Variants in XXYLT1 observed in about 807,000 individuals in gnomAD.
The protein encoded by XXYLT1 is xyloside xylosyltransferase 1.
XXYLT1 carries 20 observed loss-of-function variants against 28.9 expected under a neutral mutation model. The observed-to-expected ratio is 0.69, with a 90% confidence interval of 0.49 to 1.00. The LOEUF is 1.00. Ranked by LOEUF, XXYLT1 falls within the 50% of genes least tolerant of loss-of-function variation. XXYLT1 has a pLI of 0.00. For synonymous variants in XXYLT1, 257 were observed against 253.8 expected, an observed-to-expected ratio of 1.01 and a Z score of -0.12; for missense variants, 542 against 560.1, an observed-to-expected ratio of 0.97 and a Z score of 0.33.
intron 1 of XXYLT1, among the ~76,000 whole-genome samples, chr3:195,266,706 A>G (rs1294158769): frequency 6.6e-6 from 1 of 152,130 alleles, no homozygotes; most frequent in Non-Finnish European, 1.5e-5. Context: ...GACCAGCAGG[A>G]GAGCACTCCT....
In XXYLT1 at chr3:195,069,954, C is replaced by T. The variant is rs1056340383; in HGVS notation, c.943G>A (p.Val315Met). 2.5e-6 allele frequency: 4 copies of T among 1,612,262 alleles called. No individual in the cohort carries two copies. Among genetic ancestry groups the T allele is most frequent in the Non-Finnish European group, 3.4e-6 (4 of 1,179,704 alleles). The change falls in exon 4 of 4, where the codon GTG becomes ATG. Residue 315 changes from valine to methionine, a missense_variant. By Grantham distance (21) the Val-to-Met change is conservative. Coordinates refer to ENST00000310380, the MANE Select transcript of XXYLT1 (RefSeq NM_152531.5). The part of the protein sequence containing the change: ...LYSRLLEPAQ[V>M]QQLADKYHFR... ...TGGTACTTGTCGGCCAGCTGCTGCA[C>T]CTGCGCCGGCTCCAGCAGGCGGCTG...
At chr3:195,247,292 G>A (rs1306698957) in intron 1 of XXYLT1, among the ~76,000 whole-genome samples, 3 of 152,298 alleles carry the variant, frequency 2.0e-5, no homozygotes, top group South Asian at 2.1e-4. Context: ...TCACCAAGCC[G>A]AGCGGTGGGA....
At chr3:195,143,721 G>A (rs1719607014) in intron 3 of XXYLT1, among the ~76,000 whole-genome samples, 1 of 147,276 alleles carries the variant, frequency 6.8e-6, no homozygotes, top group Admixed American at 6.8e-5. Flanking sequence ...TGTACCTGTT[G>A]CAGTATGTTA....
intron 1 of XXYLT1, among the ~76,000 whole-genome samples, chr3:195,234,955 G>A (rs1724471113): frequency 6.6e-6 from 1 of 150,780 alleles, no homozygotes; most frequent in Non-Finnish European, 1.5e-5. Flanking sequence ...TTCTACTGCT[G>A]TCTCTCTCTC....
Position 195,218,910 on chromosome 3 carries a change from C to G in XXYLT1, c.652+7799G>C, listed in dbSNP as rs569673116. Among the ~76,000 whole-genome samples, 23 of 151,998 alleles carry G rather than the reference C, an allele frequency of 1.5e-4. No individual in the cohort carries two copies. In the East Asian group the frequency reaches 4.3e-3, roughly 28 times the overall value. Reference sequence around the variant, plus strand: ...ATTCACAATAGCAAAGACTTGGAACCAACCCAAATGTCCAACAATGATAGA... The same window carrying G: ...ATTCACAATAGCAAAGACTTGGAACGAACCCAAATGTCCAACAATGATAGA... On this transcript the variant is annotated intron_variant, in intron 2 of 3. Transcript: ENST00000310380.
intron 2 of XXYLT1, among the ~76,000 whole-genome samples, chr3:195,206,116 CCGGGTTCACA>C (rs1034807723): frequency 6.6e-6 from 1 of 150,822 alleles, no homozygotes; most frequent in African/African-American, 2.4e-5. Context: ...GCTCTGCCTC[CCGGGTTCACA>C]CCATTCTCCG....
At chr3:195,143,784 T>TTATATA (rs3073320) in intron 3 of XXYLT1, among the ~76,000 whole-genome samples, 3,012 of 113,814 alleles carry the variant, frequency 0.026, 203 homozygotes, top group Non-Finnish European at 0.036. Context: ...TGTTCTCTCA[T>TTATATA]TATATATATA....
chr3:195,077,086 G>C lies in XXYLT1; in HGVS notation c.786-6975C>G, dbSNP rs778559641. Reference sequence around the variant, plus strand: ...CCAGGGACTCAGAGGACACCTGTGGGGCCCAGAACTGCCCTCAGCAAAACC... The same window carrying C: ...CCAGGGACTCAGAGGACACCTGTGGCGCCCAGAACTGCCCTCAGCAAAACC... On this transcript the variant is annotated intron_variant, in intron 3 of 3. Coordinates refer to ENST00000310380, the MANE Select transcript of XXYLT1 (RefSeq NM_152531.5). This position sits in a 1 kb window ranked among gnomAD's most constrained non-coding sequence, Gnocchi z 4.8. Among the ~76,000 whole-genome samples, 37 of 152,204 alleles carry C rather than the reference G, an allele frequency of 2.4e-4. No individual in the cohort carries two copies. Among genetic ancestry groups the C allele is most frequent in the Non-Finnish European group, 4.9e-4 (33 of 68,000 alleles).
At chr3:195,222,109 G>GGCT (rs923180524) in intron 2 of XXYLT1, among the ~76,000 whole-genome samples, 1 of 152,194 alleles carries the variant, frequency 6.6e-6, no homozygotes, top group African/African-American at 2.4e-5. Context: ...CCCTCTGTGG[G>GGCT]GCTGCGACAT....
At position 195,078,129 on chromosome 3, in the gene XXYLT1, G is replaced by A. The variant is rs1300643512; in HGVS notation, c.786-8018C>T. Among the ~76,000 whole-genome samples the A allele has an allele frequency of 6.6e-6, 1 of 152,128 alleles. No individual in the cohort carries two copies. Among genetic ancestry groups the A allele is most frequent in the African/African-American group, 2.4e-5 (1 of 41,420 alleles). On this transcript the variant is annotated intron_variant, in intron 3 of 3. Transcript: ENST00000310380. The surrounding 1 kb of genome is among the most constrained non-coding windows in gnomAD (Gnocchi z 5.0). Reference sequence around the variant, plus strand: ...GCGGAGCTGGGAGGAGTGGGTGTGGGGCGGAGGAAAAGGGAATTCCATGTT... The same window carrying A: ...GCGGAGCTGGGAGGAGTGGGTGTGGAGCGGAGGAAAAGGGAATTCCATGTT...
At chr3:195,228,334 A>G (rs1302637668) in intron 1 of XXYLT1, among the ~76,000 whole-genome samples, 2 of 151,834 alleles carry the variant, frequency 1.3e-5, no homozygotes. Context: ...GCTCCACTCC[A>G]TCACTCACCT....
Position 195,069,814 on chromosome 3 carries a change from C to A in XXYLT1, c.1083G>T (p.Arg361Ser). 1 of 1,614,158 alleles carries A rather than the reference C, an allele frequency of 6.2e-7. No individual in the cohort carries two copies. Among genetic ancestry groups the A allele is most frequent in the Admixed American group, 1.7e-5 (1 of 60,024 alleles). ...CGAAGACGTCACTGTAGCCATGGTC[C>A]CTCCACCAGGTGCACAGCTGCCGGT... Reference protein sequence around the residue: ...TWNRQLCTWWRDHGYSDVFEA... With the variant: ...TWNRQLCTWWSDHGYSDVFEA... The change falls in exon 4 of 4, where the codon AGG (arginine) becomes AGT (serine). Residue 361 changes from arginine to serine, a missense_variant. Arg to Ser is a moderately radical substitution (Grantham distance 110). Coordinates refer to ENST00000310380, the MANE Select transcript of XXYLT1 (RefSeq NM_152531.5).
intron 3 of XXYLT1, among the ~76,000 whole-genome samples, chr3:195,100,871 G>A (rs1039552156): frequency 2.6e-5 from 4 of 152,176 alleles, no homozygotes; most frequent in South Asian, 2.1e-4. Context: ...TTTTTATATC[G>A]GATATCCCTG....
At chr3:195,239,570 T>C (rs1350946622) in intron 1 of XXYLT1, among the ~76,000 whole-genome samples, 4 of 152,258 alleles carry the variant, frequency 2.6e-5, no homozygotes, top group Admixed American at 2.0e-4. Flanking sequence ...TTTAGGAATG[T>C]AGACAAAAAA....
intron 2 of XXYLT1, among the ~76,000 whole-genome samples, chr3:195,200,602 A>C (rs729820): frequency 1.3e-5 from 2 of 152,266 alleles, no homozygotes; most frequent in South Asian, 4.2e-4. Flanking sequence ...ACTGACCTAC[A>C]ATCGGTTGAC....
At chr3:195,155,273 AC>A (rs1372974671) in intron 3 of XXYLT1, among the ~76,000 whole-genome samples, 1 of 152,148 alleles carries the variant, frequency 6.6e-6, no homozygotes, top group Non-Finnish European at 1.5e-5. Context: ...AGTTGCCTGT[AC>A]TCTGCAGCTC....
chr3:195,183,901 G>T (rs148025875), intron 2 of XXYLT1, among the ~76,000 whole-genome samples: 2 of 152,332 alleles, frequency 1.3e-5, no homozygotes, highest in African/African-American at 4.8e-5. Context: ...TCCCAGGATC[G>T]AAGGGCTATG....
chr3:195,250,435 A>G lies in XXYLT1; in HGVS notation c.504+20120T>C, dbSNP rs372084596. Among the ~76,000 whole-genome samples the G allele has an allele frequency of 3.0e-4, 45 of 152,218 alleles. 1 individual carries two copies. The highest frequency in any genetic ancestry group is 6.8e-3 in the Middle Eastern group (2 of 294). On this transcript the variant is annotated intron_variant, in intron 1 of 3. Transcript: ENST00000310380. The stretch of plus-strand genomic sequence containing the variant: ...AAAAATTAGCTGGGCGTGGTGGCAC[A>G]TGCCTATAACTCTAGCTACTTGGGA...
intron 2 of XXYLT1, among the ~76,000 whole-genome samples, chr3:195,171,329 C>T (rs73063115): frequency 0.041 from 6,181 of 152,302 alleles, 422 homozygotes; most frequent in African/African-American, 0.14. Context: ...CGTCCGCACA[C>T]ATCAACAGCT....
Sources: gnomAD v4.1 joint callset for allele counts (sites outside exome capture counted in the v4.1 genomes callset) on GRCh38, gnomAD v4.1.1 for gene constraint, Gnocchi (gnomAD v3.1) non-coding constraint, MANE v1.5 for transcripts, NCBI Gene and HGNC (gene_info 2026-07-23, HGNC 2026-07-21) for gene names.